The following EBF4 variants were observed in gnomAD, a reference collection of about 807,000 sequenced individuals.
EBF4 encodes the protein transcription factor COE4.
EBF4 carries 34 observed loss-of-function variants against 67.1 expected under a neutral mutation model. That is an observed-to-expected ratio of 0.51 (90% CI 0.39 to 0.67). The LOEUF (loss-of-function observed/expected upper bound fraction) is 0.67, where lower values mean the gene tolerates loss of function less well. Among genes scored for constraint, EBF4 ranks in the 30% least tolerant of loss-of-function variants. The probability of loss-of-function intolerance (pLI) is 0.00; values close to 1 mark genes in which losing one functional copy is unlikely to be tolerated. For missense variants in EBF4, 837 were observed against 873.3 expected (o/e 0.96, Z 0.52); for synonymous variants, 387 against 377.7 (o/e 1.02, Z -0.29).
chr20:2,729,342 G>T (rs769326100), intron 6 of EBF4, among the ~76,000 whole-genome samples: 1 of 152,094 alleles, frequency 6.6e-6, no homozygotes, highest in African/African-American at 2.4e-5. Context: ...AACAGCATCC[G>T]GTTCTTAAAG....
Position 2,707,786 on chromosome 20 carries a change from TC to T in EBF4, c.415-156del, listed in dbSNP as rs2087479391. Among the ~76,000 whole-genome samples the T allele has an allele frequency of 6.6e-6, 1 of 152,106 alleles. No homozygotes were observed. Among genetic ancestry groups the T allele is most frequent in the Non-Finnish European group, 1.5e-5 (1 of 68,000 alleles). On this transcript the variant is annotated intron_variant, in intron 4 of 16. Coordinates refer to ENST00000609451, the Ensembl canonical transcript of EBF4. This position sits in a 1 kb window ranked among gnomAD's most constrained non-coding sequence, Gnocchi z 4.6. ...TGGTCCGGTTTGGGAGGAGGGGTTA[TC>T]CCCCGCCTGGGCAGCCCAGAGCAAG...
At chr20:2,724,191 A>G (rs1213077768) in intron 6 of EBF4, among the ~76,000 whole-genome samples, 1 of 152,248 alleles carries the variant, frequency 6.6e-6, no homozygotes, top group African/African-American at 2.4e-5. Context: ...ACATATAACC[A>G]TGGAAATCAA....
chr20:2,750,611 C>T (rs2088129295), intron 10 of EBF4, among the ~76,000 whole-genome samples: 1 of 152,134 alleles, frequency 6.6e-6, no homozygotes, highest in African/African-American at 2.4e-5. Context: ...CAGTCCCCAC[C>T]ATCGCGCAGC....
Position 2,744,730 on chromosome 20 carries a change from G to A in EBF4, c.558-3819G>A, listed in dbSNP as rs574246284. On this transcript the variant is annotated intron_variant, in intron 6 of 16. Coordinates refer to ENST00000609451, the Ensembl canonical transcript of EBF4. Reference sequence around the variant, plus strand: ...TAGTCTCAAACTCCTGGCCTCAAGCGATCCACCCACCTCAGCCTCCCAAAA... The same window carrying A: ...TAGTCTCAAACTCCTGGCCTCAAGCAATCCACCCACCTCAGCCTCCCAAAA... 1.6e-4 allele frequency among the ~76,000 whole-genome samples: 24 copies of A among 151,918 alleles called. No individual in the cohort carries two copies. The South Asian group carries it at 3.1e-3, about 20-fold the overall frequency.
chr20:2,733,731 T>A (rs189961643), intron 6 of EBF4, among the ~76,000 whole-genome samples: 2 of 151,844 alleles, frequency 1.3e-5, no homozygotes, highest in Non-Finnish European at 2.9e-5. Context: ...GGGTGTCCAA[T>A]CTTTTGGCTT....
Position 2,755,740 on chromosome 20 carries a change from C to T in EBF4, c.1654C>T (p.Gln552Ter). 6.4e-7 allele frequency: 1 copy of T among 1,551,044 alleles called. No homozygotes were observed. The highest frequency in any genetic ancestry group is 8.7e-7 in the Non-Finnish European group (1 of 1,146,922). ...TGTCAACATGATCTCCGCCGTCAAA[C>T]AGAGGAGCGCCTTCGCCCCCGTGCT... The change falls in exon 15 of 17, where the codon CAG (glutamine) becomes TAG (stop). Residue 552 changes from glutamine (Q) to a stop codon, truncating the protein, a stop_gained. Coordinates refer to ENST00000609451, the Ensembl canonical transcript of EBF4. LOFTEE classifies it high-confidence loss of function. This position sits in a 1 kb window ranked among gnomAD's most constrained non-coding sequence, Gnocchi z 4.7.
intron 1 of EBF4, among the ~76,000 whole-genome samples, chr20:2,703,249 C>A (rs1371295641): frequency 7.9e-6 from 1 of 126,588 alleles, no homozygotes; most frequent in African/African-American, 3.6e-5. Flanking sequence ...AGAGCAAGAC[C>A]CTGTCTTAAA....
At chr20:2,754,980 A>ACGC (rs1407127501) in intron 14 of EBF4, 3 of 97,336 alleles carry the variant, frequency 3.1e-5, no homozygotes, top group Admixed American at 2.0e-4. Flanking sequence ...ACCCCCCCCC[A>ACGC]CAGGGCCCAG....
At chr20:2,757,648 C>T (rs1474691056) in intron 15 of EBF4, among the ~76,000 whole-genome samples, 1 of 152,174 alleles carries the variant, frequency 6.6e-6, no homozygotes, top group African/African-American at 2.4e-5. Context: ...ACGTTCAAAA[C>T]ATTAAGAACA....
chr20:2,726,243 A>G (rs1006011142), intron 6 of EBF4, among the ~76,000 whole-genome samples: 1 of 152,112 alleles, frequency 6.6e-6, no homozygotes, highest in Non-Finnish European at 1.5e-5. Context: ...TCATGGGGAA[A>G]TATGATGCTG....
intron 1 of EBF4, among the ~76,000 whole-genome samples, chr20:2,704,389 A>T (rs1324953824): frequency 1.3e-5 from 2 of 152,136 alleles, no homozygotes; most frequent in Non-Finnish European, 2.9e-5. Context: ...CACACTTTGG[A>T]AGGCCGTGGC....
At chr20:2,752,294 G>A in intron 13 of EBF4, 31 bp downstream of exon 13, 3 of 1,209,552 alleles carry the variant, frequency 2.5e-6, no homozygotes, top group Non-Finnish European at 3.1e-6. Flanking sequence ...CGCCGTCCTC[G>A]GGCGCCGCCA....
At chr20:2,716,102 A>C (rs1242351448) in intron 6 of EBF4, among the ~76,000 whole-genome samples, 1 of 151,798 alleles carries the variant, frequency 6.6e-6, no homozygotes, top group Non-Finnish European at 1.5e-5. Context: ...TCATGCCTAT[A>C]GTCCCAGTTA....
At chr20:2,709,007 G>A (rs780505321) in intron 5 of EBF4, among the ~76,000 whole-genome samples, 1 of 152,082 alleles carries the variant, frequency 6.6e-6, no homozygotes, top group East Asian at 1.9e-4. Context: ...CCAACGTGGT[G>A]AAACCCCGTC....
chr20:2,701,130 G>A (rs997043387), intron 1 of EBF4, among the ~76,000 whole-genome samples: 3 of 152,360 alleles, frequency 2.0e-5, no homozygotes, highest in African/African-American at 4.8e-5. Context: ...TCCTGCAGCT[G>A]TAAACTAACC....
At position 2,747,137 on chromosome 20, in the gene EBF4, CA is replaced by C. The variant is rs1238442748; in HGVS notation, c.558-1407del. 6.6e-6 allele frequency among the ~76,000 whole-genome samples: 1 copy of C among 152,038 alleles called. No individual in the cohort carries two copies. Among genetic ancestry groups the C allele is most frequent in the Non-Finnish European group, 1.5e-5 (1 of 68,002 alleles). On this transcript the variant is annotated intron_variant, in intron 6 of 16. Coordinates refer to ENST00000609451, the Ensembl canonical transcript of EBF4. This position sits in a 1 kb window ranked among gnomAD's most constrained non-coding sequence, Gnocchi z 4.6. ...CAAAACACCGTCTCTACTAAAACTA[CA>C]AAAAGTAGCCAGGCGTGGTGGCAGG... is the stretch of plus-strand genomic sequence containing the variant.
chr20:2,700,738 C>CT (rs932578966), intron 1 of EBF4, among the ~76,000 whole-genome samples: 8 of 132,714 alleles, frequency 6.0e-5, no homozygotes, highest in African/African-American at 2.2e-4. Flanking sequence ...AGCTTGTAAT[C>CT]TCCCCTTCCC....
At chr20:2,754,288 G>C (rs2088203272) in intron 14 of EBF4, among the ~76,000 whole-genome samples, 1 of 152,138 alleles carries the variant, frequency 6.6e-6, no homozygotes, top group Non-Finnish European at 1.5e-5. Flanking sequence ...AGTGACATCA[G>C]AACTGCCCCA....
chr20:2,757,462 GC>G (rs1347994835), intron 15 of EBF4, among the ~76,000 whole-genome samples: 1 of 151,858 alleles, frequency 6.6e-6, no homozygotes, highest in African/African-American at 2.4e-5. Context: ...GCCAGGGAGG[GC>G]GGGAGGGCAA....
Sources: allele counts gnomAD v4.1 joint callset (sites outside exome capture counted in the v4.1 genomes callset), GRCh38; gene constraint gnomAD v4.1.1; non-coding constraint Gnocchi (gnomAD v3.1); transcripts MANE v1.5; gene names NCBI Gene and HGNC (gene_info 2026-07-23, HGNC 2026-07-21).